The following MS4A5 variants were observed in gnomAD, a reference collection of about 807,000 sequenced individuals.
The protein encoded by MS4A5 is membrane spanning 4-domains A5.
A neutral mutation model predicts 18.2 loss-of-function variants in MS4A5; 15 were observed. The observed-to-expected ratio is 0.83, with a 90% CI of 0.55 to 1.27. The LOEUF is 1.27. MS4A5 is among the 50% of genes most tolerant of loss of function. MS4A5 has a pLI of 0.00. For synonymous variants in MS4A5, 89 were observed against 78.7 expected (o/e 1.13, Z -0.69); for missense variants, 232 against 225.7 (o/e 1.03, Z -0.18).
intron 4 of MS4A5, among the ~76,000 whole-genome samples, chr11:60,443,854 A>G (rs4939361): frequency 0.99 from 151,378 of 152,294 alleles, 75,249 homozygotes; most frequent in Middle Eastern, 1. Flanking sequence ...TATTTGATGC[A>G]TTAGATGATT....
intron 4 of MS4A5, chr11:60,435,513 G>C: frequency 5.1e-6 from 2 of 391,032 alleles, no homozygotes; most frequent in Non-Finnish European, 4.9e-6. Context: ...ATTTCCATCT[G>C]AGGTACCCGG....
At chr11:60,439,165 G>C (rs2086097003) in intron 4 of MS4A5, among the ~76,000 whole-genome samples, 1 of 125,268 alleles carries the variant, frequency 8.0e-6, no homozygotes, top group Non-Finnish European at 1.7e-5. Context: ...CAGAGCCAAA[G>C]ACAAAAACCA....
intron 4 of MS4A5, among the ~76,000 whole-genome samples, chr11:60,442,970 ATC>A (rs1030264562): frequency 6.6e-6 from 1 of 152,110 alleles, no homozygotes; most frequent in Non-Finnish European, 1.5e-5. Context: ...GTGAAACACC[ATC>A]TCTACTAAAA....
Position 60,429,629 on chromosome 11 carries a change from A to C in MS4A5, c.-46A>C. On this transcript the variant is annotated 5_prime_UTR_variant, in exon 1 of 5. Coordinates refer to ENST00000300190, the MANE Select transcript of MS4A5 (RefSeq NM_023945.3). ...CAAGAAAAGAACATGGTCTAGACTG[A>C]AGTACCAACTAAATCATCTCCTTTC... 1 of 1,573,170 alleles carries C rather than the reference A, an allele frequency of 6.4e-7. No individual in the cohort carries two copies. Among genetic ancestry groups the C allele is most frequent in the Non-Finnish European group, 8.6e-7 (1 of 1,161,264 alleles).
chr11:60,431,320 A>C (rs987972624), intron 2 of MS4A5, among the ~76,000 whole-genome samples: 1 of 152,244 alleles, frequency 6.6e-6, no homozygotes, highest in Admixed American at 6.5e-5. Context: ...GGAAATGCTT[A>C]TGTAAGCAGA....
chr11:60,442,841 CA>C (rs539601082), intron 4 of MS4A5, among the ~76,000 whole-genome samples: 46 of 152,116 alleles, frequency 3.0e-4, no homozygotes, highest in Non-Finnish European at 5.4e-4. Context: ...AAATGTTCTT[CA>C]AAAATGAAAG....
At chr11:60,433,974 TAGCACTCAATC>T in intron 4 of MS4A5, 57 bp downstream of exon 4, 1 of 1,456,722 alleles carries the variant, frequency 6.9e-7, no homozygotes, top group Non-Finnish European at 9.5e-7. Context: ...AAATATTTAT[TAGCACTCAATC>T]AGCACCATTC....
At chr11:60,436,556 C>G (rs1013727649) in intron 4 of MS4A5, among the ~76,000 whole-genome samples, 15 of 133,804 alleles carry the variant, frequency 1.1e-4, no homozygotes, top group Non-Finnish European at 2.0e-4. Flanking sequence ...ACTAGAATAA[C>G]CAATACAGAG....
intron 4 of MS4A5, among the ~76,000 whole-genome samples, chr11:60,447,209 GCTATGCTATGCTATC>G (rs1230747666): frequency 4.7e-5 from 7 of 150,430 alleles, no homozygotes; most frequent in East Asian, 2.0e-4. Flanking sequence ...GCTATCCTAT[GCTATGCTATGCTATC>G]CTATGCTATG....
rs1480747511 is a variant in MS4A5, at chr11:60,447,680, T to A, written c.524T>A (p.Ile175Asn). The A allele has an allele frequency of 3.8e-6, 6 of 1,590,936 alleles. No homozygotes were observed. Among genetic ancestry groups the A allele is most frequent in the Non-Finnish European group, 4.3e-6 (5 of 1,173,736 alleles). Residue 175 changes from isoleucine (I) to asparagine (N), a missense_variant, in exon 5 of 5, where the codon ATT becomes AAT. Ile to Asn is a moderately radical substitution (Grantham distance 149, BLOSUM62 -3). Coordinates refer to ENST00000300190, the MANE Select transcript of MS4A5 (RefSeq NM_023945.3). ...TTGATTACATTGATGACTTTCAGCA[T>A]TATTGAATTATTCATTTCTCTGCCT... Reference protein sequence around the residue: ...GILITLMTFSIIELFISLPFS... With the variant: ...GILITLMTFSNIELFISLPFS...
chr11:60,433,707 T>C, intron 3 of MS4A5, 58 bp from the exon 4 acceptor site: 1 of 1,542,816 alleles, frequency 6.5e-7, no homozygotes, highest in South Asian at 1.1e-5. Context: ...CACTCATTGC[T>C]TTGTTTGTAG....
At chr11:60,431,243 G>GT in intron 2 of MS4A5, among the ~76,000 whole-genome samples, 1 of 152,276 alleles carries the variant, frequency 6.6e-6, no homozygotes, top group Non-Finnish European at 1.5e-5. Context: ...AGACCTCTCA[G>GT]TCTAGCAAGA....
Position 60,431,644 on chromosome 11 carries a change from T to C in MS4A5, c.282+720T>C, listed in dbSNP as rs186163217. On this transcript the variant is annotated intron_variant, in intron 2 of 4. Coordinates refer to ENST00000300190, the MANE Select transcript of MS4A5 (RefSeq NM_023945.3). ...CAGAGGGGACAACGCCCAGAGACAT[T>C]TCCAGCTTGACCAAGTTTTAAAGGG... is the stretch of plus-strand genomic sequence containing the variant. Among the ~76,000 whole-genome samples the C allele has an allele frequency of 2.6e-5, 4 of 152,266 alleles. No homozygotes were observed. In the East Asian group the frequency reaches 7.7e-4, roughly 29 times the overall value.
chr11:60,437,217 A>C (rs1478211636), intron 4 of MS4A5, among the ~76,000 whole-genome samples: 1 of 149,240 alleles, frequency 6.7e-6, no homozygotes, highest in Non-Finnish European at 1.5e-5. Context: ...CAGACAAGCA[A>C]ATGCTGAGAG....
chr11:60,432,766 T>A, intron 3 of MS4A5, among the ~76,000 whole-genome samples: 1 of 90,754 alleles, frequency 1.1e-5, no homozygotes. Context: ...AAAGACTCCA[T>A]CTCAAAAAAA....
At chr11:60,438,892 GA>G (rs1469011648) in intron 4 of MS4A5, among the ~76,000 whole-genome samples, 1 of 97,556 alleles carries the variant, frequency 1.0e-5, no homozygotes, top group African/African-American at 4.2e-5. Flanking sequence ...CCAATCAATA[GA>G]AAAAGAGGGA....
At chr11:60,436,647 C>T (rs1426406014) in intron 4 of MS4A5, among the ~76,000 whole-genome samples, 17 of 133,672 alleles carry the variant, frequency 1.3e-4, no homozygotes, top group Middle Eastern at 3.5e-3. Context: ...GGAGTCGATG[C>T]GATCAACTGG....
intron 4 of MS4A5, among the ~76,000 whole-genome samples, chr11:60,434,873 A>G (rs74662011): frequency 0.053 from 8,098 of 152,280 alleles, 284 homozygotes; most frequent in South Asian, 0.16. Flanking sequence ...ACATCCACTC[A>G]AAGTATAAAG....
intron 4 of MS4A5, among the ~76,000 whole-genome samples, chr11:60,447,303 TG>T (rs1332412605): frequency 7.0e-5 from 10 of 143,406 alleles, no homozygotes; most frequent in Non-Finnish European, 1.4e-4. Flanking sequence ...TGCTATCCTA[TG>T]CTGTGCTATG....
Sources: allele counts gnomAD v4.1 joint callset (sites outside exome capture counted in the v4.1 genomes callset), GRCh38; gene constraint gnomAD v4.1.1; transcripts MANE v1.5; gene names NCBI Gene and HGNC (gene_info 2026-07-23, HGNC 2026-07-21).